The following NELL1 variants were observed in gnomAD, a reference collection of about 807,000 sequenced individuals.
NELL1 encodes the protein neural EGFL like 1.
Under a neutral mutation model 107.4 loss-of-function variants are expected in NELL1, and 76 were observed. That is an observed-to-expected ratio of 0.71 (90% CI 0.59 to 0.86). The LOEUF is 0.86. NELL1 is among the 40% of genes least tolerant of loss of function. NELL1 has a pLI of 0.00. For synonymous variants in NELL1, 353 were observed against 341.2 expected, an observed-to-expected ratio of 1.03 and a Z score of -0.38; for missense variants, 1,024 against 1,005.5, an observed-to-expected ratio of 1.02 and a Z score of -0.25.
chr11:21,438,259 G>GT (rs35035702), intron 15 of NELL1, among the ~76,000 whole-genome samples: 6,731 of 150,534 alleles, frequency 0.045, 475 homozygotes, highest in African/African-American at 0.15. Flanking sequence ...TTACATGACA[G>GT]TTTTTTTGTT....
chr11:21,205,590 C>G (rs1857372541), intron 13 of NELL1, among the ~76,000 whole-genome samples: 2 of 152,154 alleles, frequency 1.3e-5, no homozygotes, highest in Non-Finnish European at 2.9e-5. Context: ...CACTTGGCTC[C>G]CTGGCTTCAG....
chr11:20,755,566 T>TATTTATTTATTA, intron 2 of NELL1, among the ~76,000 whole-genome samples: 1 of 123,154 alleles, frequency 8.1e-6, no homozygotes, highest in East Asian at 2.5e-4. Context: ...GTTTTTGTTT[T>TATTTATTTATTA]TTTTTTTTTG....
chr11:21,273,153 G>GA (rs999085813), intron 14 of NELL1, among the ~76,000 whole-genome samples: 11 of 151,920 alleles, frequency 7.2e-5, no homozygotes, highest in Non-Finnish European at 1.0e-4. Flanking sequence ...TAAAAATCTT[G>GA]AAAAAAAATT....
chr11:21,288,862 A>G (rs1849188924), intron 14 of NELL1, among the ~76,000 whole-genome samples: 1 of 152,148 alleles, frequency 6.6e-6, no homozygotes, highest in Admixed American at 6.5e-5. Flanking sequence ...ATTGTCAGTC[A>G]GGGGGCCTCC....
chr11:21,111,397 A>G (rs1246129638), intron 12 of NELL1, among the ~76,000 whole-genome samples: 1 of 152,080 alleles, frequency 6.6e-6, no homozygotes, highest in African/African-American at 2.4e-5. Context: ...TCTCTACCTG[A>G]TGAATTCTTG....
At chr11:21,495,945 G>T (rs1854966316) in intron 15 of NELL1, among the ~76,000 whole-genome samples, 1 of 151,876 alleles carries the variant, frequency 6.6e-6, no homozygotes, top group Non-Finnish European at 1.5e-5. Context: ...TGACTTTGTT[G>T]TCTATTATCT....
chr11:20,899,154 A>G (rs1024518966), intron 5 of NELL1, among the ~76,000 whole-genome samples: 1 of 152,120 alleles, frequency 6.6e-6, no homozygotes, highest in Non-Finnish European at 1.5e-5. Flanking sequence ...GGCTATATAT[A>G]TATACACACA....
At chr11:21,546,471 C>G (rs1057439694) in intron 16 of NELL1, among the ~76,000 whole-genome samples, 1 of 151,972 alleles carries the variant, frequency 6.6e-6, no homozygotes, top group African/African-American at 2.4e-5. Context: ...TCAATAATCC[C>G]CATGTGTCAT....
chr11:21,503,398 A>G (rs1269543064), intron 15 of NELL1, among the ~76,000 whole-genome samples: 1 of 152,212 alleles, frequency 6.6e-6, no homozygotes, highest in Non-Finnish European at 1.5e-5. Context: ...GCTAGGACAA[A>G]AATCAAATAA....
At chr11:20,867,749 A>T (rs997006933) in intron 4 of NELL1, among the ~76,000 whole-genome samples, 7 of 152,174 alleles carry the variant, frequency 4.6e-5, no homozygotes, top group Non-Finnish European at 1.0e-4. Context: ...AGGTTATTTA[A>T]TTAAGAGAAA....
At chr11:21,362,540 T>C (rs888554810) in intron 14 of NELL1, among the ~76,000 whole-genome samples, 11 of 152,206 alleles carry the variant, frequency 7.2e-5, no homozygotes, top group Non-Finnish European at 1.5e-4. Flanking sequence ...GTTGTGGGCA[T>C]TGGAATTAGG....
chr11:20,758,333 G>A (rs1480829138), intron 2 of NELL1, among the ~76,000 whole-genome samples: 1 of 152,016 alleles, frequency 6.6e-6, no homozygotes, highest in Non-Finnish European at 1.5e-5. Flanking sequence ...TGTGTCCTGT[G>A]GCCTAATAAA....
chr11:20,704,937 T>C (rs998081563), intron 2 of NELL1, among the ~76,000 whole-genome samples: 1 of 152,082 alleles, frequency 6.6e-6, no homozygotes, highest in African/African-American at 2.4e-5. Flanking sequence ...ATAAAATACC[T>C]AGGAATCCAA....
At chr11:20,720,570 G>A (rs1247028551) in intron 2 of NELL1, among the ~76,000 whole-genome samples, 3 of 152,218 alleles carry the variant, frequency 2.0e-5, no homozygotes, top group Admixed American at 6.5e-5. Context: ...TGTTGACTAG[G>A]TGGCTTAGAA....
intron 14 of NELL1, among the ~76,000 whole-genome samples, chr11:21,262,835 T>C (rs1284377321): frequency 1.3e-5 from 2 of 151,926 alleles, no homozygotes; most frequent in Admixed American, 1.3e-4. Context: ...TGGTGACTTC[T>C]CCTGTACTCT....
intron 2 of NELL1, among the ~76,000 whole-genome samples, chr11:20,716,956 T>A (rs1519722): frequency 0.18 from 26,732 of 152,198 alleles, 2,905 homozygotes; most frequent in African/African-American, 0.3. Context: ...ACTCTCCATT[T>A]TTCTTTTGAA....
Position 20,836,099 on chromosome 11 carries a change from A to T in NELL1, c.336-11484A>T, listed in dbSNP as rs190516206. ...TCAACAATAAGTAAACTCAACAATA[A>T]GTAAACAAACCAATTTTTAAAAATA... On this transcript the variant is annotated intron_variant, in intron 3 of 19. Transcript: ENST00000357134. Among the ~76,000 whole-genome samples the T allele has an allele frequency of 8.3e-4, 127 of 152,286 alleles. 5 individuals are homozygous for T. In the East Asian group the frequency reaches 0.02, roughly 24 times the overall value.
chr11:21,138,017 C>T (rs1249076258), intron 13 of NELL1, among the ~76,000 whole-genome samples: 2 of 152,186 alleles, frequency 1.3e-5, no homozygotes, highest in African/African-American at 4.8e-5. Context: ...CACTTTATTG[C>T]TCTCTCACAT....
intron 14 of NELL1, among the ~76,000 whole-genome samples, chr11:21,363,633 C>A (rs1042660470): frequency 1.3e-5 from 2 of 152,146 alleles, no homozygotes; most frequent in African/African-American, 4.8e-5. Flanking sequence ...TCCCCAGAAT[C>A]TCTTGATATT....
Sources: gnomAD v4.1 joint callset for allele counts (sites outside exome capture counted in the v4.1 genomes callset) on GRCh38, gnomAD v4.1.1 for gene constraint, MANE v1.5 for transcripts, NCBI Gene and HGNC (gene_info 2026-07-23, HGNC 2026-07-21) for gene names.